ROBO2: variants seen among roughly 807,000 people sequenced by gnomAD.
ROBO2 encodes roundabout homolog 2.
A neutral mutation model predicts 160.8 loss-of-function variants in ROBO2; 53 were observed. The ratio of observed to expected loss-of-function variants is 0.33; its 90% CI spans 0.26 to 0.41. The LOEUF (loss-of-function observed/expected upper bound fraction) is 0.41. Ranked by LOEUF, ROBO2 falls within the 10% of genes least tolerant of loss-of-function variation. The pLI is 1.00. For synonymous variants in ROBO2, 664 were observed against 611.7 expected, an observed-to-expected ratio of 1.09 and a Z score of -1.26; for missense variants, 1,577 against 1,722.4, an observed-to-expected ratio of 0.92 and a Z score of 1.49.
At chr3:77,461,319 T>A (rs189741890) in intron 2 of ROBO2, among the ~76,000 whole-genome samples, 2,554 of 152,122 alleles carry the variant, frequency 0.017, 40 homozygotes, top group Non-Finnish European at 0.024. Flanking sequence ...TTTTAATGAA[T>A]TTTAACTAAC....
intron 2 of ROBO2, among the ~76,000 whole-genome samples, chr3:76,179,520 C>T (rs1188062600): frequency 5.3e-5 from 8 of 152,116 alleles, no homozygotes; most frequent in Non-Finnish European, 1.0e-4. Context: ...CCTAAATATC[C>T]TTTCGTTTCT....
intron 2 of ROBO2, among the ~76,000 whole-genome samples, chr3:75,937,960 A>G (rs1947874505): frequency 6.7e-6 from 1 of 149,234 alleles, no homozygotes; most frequent in African/African-American, 2.5e-5. Context: ...TTTTATAAGA[A>G]CACGTAGCAT....
intron 2 of ROBO2, among the ~76,000 whole-genome samples, chr3:76,878,916 G>T (rs763960806): frequency 2.6e-5 from 4 of 151,900 alleles, no homozygotes; most frequent in Non-Finnish European, 4.4e-5. Flanking sequence ...TCCTTCTCAG[G>T]TATTTACAGA....
intron 2 of ROBO2, among the ~76,000 whole-genome samples, chr3:76,745,656 A>C (rs2093873406): frequency 6.6e-6 from 1 of 151,968 alleles, no homozygotes; most frequent in South Asian, 2.1e-4. Context: ...GTATCATTTT[A>C]CACCTCTATG....
rs1173197521 is a variant in ROBO2 at position 77,602,688 on chromosome 3, A to G, written c.3136+197A>G. 1.3e-3 allele frequency among the ~76,000 whole-genome samples: 113 copies of G among 85,732 alleles called. 1 individual carries two copies. The highest frequency in any genetic ancestry group is 2.0e-3 in the South Asian group (5 of 2,542). The allele number at this position is 85,732 out of a possible 152,430, so 56.2% of individuals were successfully genotyped here. ...CACCACCACCACCACCACCACCACC[A>G]CCGCCGCCGCCACCACCACCTCCTC... On this transcript the variant is annotated intron_variant, in intron 20 of 25. Transcript: ENST00000461745.
intron 2 of ROBO2, among the ~76,000 whole-genome samples, chr3:76,654,913 G>GTATGTATATATA (rs2091429503): frequency 1.3e-5 from 1 of 74,186 alleles, no homozygotes; most frequent in East Asian, 5.5e-4. Flanking sequence ...ATATGTGTGT[G>GTATGTATATATA]TATATATATA....
At chr3:77,163,788 T>A (rs12487807) in intron 2 of ROBO2, among the ~76,000 whole-genome samples, 61,923 of 152,006 alleles carry the variant, frequency 0.41, 13,129 homozygotes, top group Middle Eastern at 0.54. Flanking sequence ...TTATAATCTT[T>A]GAACTGAATA....
At chr3:77,636,379 G>T (rs1246213715) in intron 24 of ROBO2, among the ~76,000 whole-genome samples, 5 of 151,992 alleles carry the variant, frequency 3.3e-5, no homozygotes, top group Admixed American at 1.3e-4. Context: ...AGATCACAGG[G>T]TCAGAAGATC....
chr3:76,392,041 A>C (rs1338795077), intron 2 of ROBO2, among the ~76,000 whole-genome samples: 1 of 152,172 alleles, frequency 6.6e-6, no homozygotes, highest in Non-Finnish European at 1.5e-5. Context: ...TTCAGGGATA[A>C]TTTTATAACA....
chr3:76,434,193 G>T, intron 2 of ROBO2: 1 of 1,111,864 alleles, frequency 9.0e-7, no homozygotes. Context: ...TAAAGAGACT[G>T]GGGGAGACGT....
chr3:76,622,630 C>A (rs1227241128), intron 2 of ROBO2, among the ~76,000 whole-genome samples: 2 of 152,128 alleles, frequency 1.3e-5, no homozygotes, highest in African/African-American at 4.8e-5. Flanking sequence ...CAGTTTCAAT[C>A]CCCATCATTT....
chr3:77,444,977 T>G (rs1171016923), intron 2 of ROBO2, among the ~76,000 whole-genome samples: 1 of 152,202 alleles, frequency 6.6e-6, no homozygotes, highest in Non-Finnish European at 1.5e-5. Context: ...GTACCCAAGC[T>G]GATTTGGTGT....
At chr3:76,213,518 A>G (rs552677701) in intron 2 of ROBO2, among the ~76,000 whole-genome samples, 1 of 152,272 alleles carries the variant, frequency 6.6e-6, no homozygotes, top group African/African-American at 2.4e-5. Flanking sequence ...ATAAAATTCA[A>G]AAAGGTAGTG....
chr3:76,076,344 G>C (rs1229416620), intron 2 of ROBO2, among the ~76,000 whole-genome samples: 1 of 152,116 alleles, frequency 6.6e-6, no homozygotes. Context: ...TTAGTCTTAA[G>C]ACATCAGCAA....
intron 2 of ROBO2, among the ~76,000 whole-genome samples, chr3:76,418,250 GGAGA>G (rs1007970345): frequency 6.7e-6 from 1 of 149,342 alleles, no homozygotes; most frequent in Non-Finnish European, 1.5e-5. Flanking sequence ...AGAGAGAGAG[GGAGA>G]GAGAGAGAGA....
intron 6 of ROBO2, among the ~76,000 whole-genome samples, chr3:77,541,628 T>G (rs912107921): frequency 7.9e-5 from 12 of 152,338 alleles, no homozygotes. Flanking sequence ...TTTTTCAGCT[T>G]GTAAGTGTTG....
chr3:76,139,620 C>T (rs1482866627), intron 2 of ROBO2, among the ~76,000 whole-genome samples: 1 of 152,010 alleles, frequency 6.6e-6, no homozygotes, highest in Non-Finnish European at 1.5e-5. Flanking sequence ...TGCCTTAAGG[C>T]AGGGTGATGA....
chr3:76,766,861 T>A (rs553646528), intron 2 of ROBO2, among the ~76,000 whole-genome samples: 1 of 151,718 alleles, frequency 6.6e-6, no homozygotes, highest in East Asian at 2.0e-4. Context: ...ACTATGGAAC[T>A]GTAGACTGTG....
chr3:76,786,506 T>C (rs2062986706), intron 2 of ROBO2, among the ~76,000 whole-genome samples: 1 of 151,126 alleles, frequency 6.6e-6, no homozygotes, highest in African/African-American at 2.4e-5. Flanking sequence ...CTACATATTT[T>C]AAACAACCAG....
Sources: gnomAD v4.1 joint callset for allele counts (sites outside exome capture counted in the v4.1 genomes callset) on GRCh38, gnomAD v4.1.1 for gene constraint, MANE v1.5 for transcripts, NCBI Gene and HGNC (gene_info 2026-07-23, HGNC 2026-07-21) for gene names.